The following YTHDF2 variants were observed in gnomAD, a reference collection of about 807,000 sequenced individuals.
YTHDF2 encodes the protein YTH N6-methyladenosine RNA binding protein F2.
YTHDF2 carries 2 observed loss-of-function variants against 50.4 expected under a neutral mutation model. That is an observed-to-expected ratio of 0.04 (90% CI 0.02 to 0.12). The LOEUF (loss-of-function observed/expected upper bound fraction) is 0.12, where lower values mean the gene tolerates loss of function less well. Among genes scored for constraint, YTHDF2 ranks in the 10% least tolerant of loss-of-function variants. The pLI is 1.00. For synonymous variants in YTHDF2, 217 were observed against 255.6 expected (o/e 0.85, Z 1.44); for missense variants, 483 against 722.6 (o/e 0.67, Z 3.80).
intron 4 of YTHDF2, among the ~76,000 whole-genome samples, chr1:28,760,950 G>A (rs891498034): frequency 1.3e-5 from 2 of 152,032 alleles, no homozygotes; most frequent in African/African-American, 4.8e-5. Context: ...TTGCAGTGCG[G>A]TAGGTTTGTT....
At chr1:28,762,101 A>T (rs1264068446) in intron 4 of YTHDF2, among the ~76,000 whole-genome samples, 1 of 152,128 alleles carries the variant, frequency 6.6e-6, no homozygotes, top group Non-Finnish European at 1.5e-5. Context: ...TTTTAAAAAC[A>T]CATTTTCCTA....
intron 1 of YTHDF2, 43 bp downstream of exon 1, chr1:28,737,190 G>C: frequency 5.2e-6 from 8 of 1,536,370 alleles, no homozygotes; most frequent in Non-Finnish European, 6.1e-6. Flanking sequence ...TGTGAGGCGA[G>C]AAGGAGCCCG....
intron 4 of YTHDF2, among the ~76,000 whole-genome samples, chr1:28,766,016 T>C (rs766623554): frequency 2.6e-5 from 4 of 152,230 alleles, no homozygotes; most frequent in African/African-American, 4.8e-5. Flanking sequence ...TCAGTTGTCT[T>C]AATGTCCTTG....
chr1:28,737,809 T>C, intron 2 of YTHDF2, 127 bp downstream of exon 2: 1 of 1,121,046 alleles, frequency 8.9e-7, no homozygotes, highest in Non-Finnish European at 1.3e-6. Flanking sequence ...TGCCGCACAC[T>C]TAAGTATTTT....
At chr1:28,754,846 A>G (rs191970329) in intron 4 of YTHDF2, among the ~76,000 whole-genome samples, 137 of 151,272 alleles carry the variant, frequency 9.1e-4, no homozygotes, top group Non-Finnish European at 1.7e-3. Flanking sequence ...GTGTGTGCCT[A>G]TAGTCCTATA....
intron 4 of YTHDF2, among the ~76,000 whole-genome samples, chr1:28,748,021 G>A (rs1298890992): frequency 6.5e-5 from 4 of 61,560 alleles, no homozygotes; most frequent in Non-Finnish European, 1.2e-4. Flanking sequence ...CCAGCTACTC[G>A]GGAGGCTGAG....
intron 3 of YTHDF2, 79 bp from the exon 4 acceptor site, chr1:28,742,324 T>C: frequency 5.4e-6 from 8 of 1,492,578 alleles, no homozygotes. Flanking sequence ...TATATTTGAA[T>C]TGCGTGACTA....
intron 4 of YTHDF2, among the ~76,000 whole-genome samples, chr1:28,750,775 C>A (rs969755856): frequency 2.6e-5 from 4 of 151,554 alleles, no homozygotes; most frequent in African/African-American, 9.7e-5. Flanking sequence ...AAAATTGTTT[C>A]CTAAACTGTG....
chr1:28,746,580 A>G (rs1347629060), intron 4 of YTHDF2, among the ~76,000 whole-genome samples: 1 of 135,316 alleles, frequency 7.4e-6, no homozygotes, highest in East Asian at 2.7e-4. Flanking sequence ...TCCCGTCTCT[A>G]CTAAAAATAC....
At chr1:28,737,776 T>C (rs2087717569) in intron 2 of YTHDF2, 94 bp downstream of exon 2, 1 of 1,493,026 alleles carries the variant, frequency 6.7e-7, no homozygotes, top group Non-Finnish European at 9.1e-7. Context: ...GGAGGACCTT[T>C]CGGAAGCCGC....
At chr1:28,739,300 G>C (rs892312858) in intron 3 of YTHDF2, 5 of 151,566 alleles carry the variant, frequency 3.3e-5, no homozygotes, top group Non-Finnish European at 7.4e-5. Flanking sequence ...GAACTATTTC[G>C]GAGTTAGGAA....
At chr1:28,738,385 T>G (rs541570570) in intron 3 of YTHDF2, 47 bp downstream of exon 3, 1 of 1,427,820 alleles carries the variant, frequency 7.0e-7, no homozygotes, top group South Asian at 1.2e-5. Context: ...TGTGGTATAT[T>G]CTTTCTCCGC....
chr1:28,752,782 C>T (rs2087977183), intron 4 of YTHDF2, among the ~76,000 whole-genome samples: 1 of 151,948 alleles, frequency 6.6e-6, no homozygotes, highest in Non-Finnish European at 1.5e-5. Flanking sequence ...GTGGCTCACA[C>T]CTGTAATCCC....
intron 3 of YTHDF2, among the ~76,000 whole-genome samples, chr1:28,741,596 A>T (rs1196422679): frequency 6.6e-6 from 1 of 152,110 alleles, no homozygotes; most frequent in Non-Finnish European, 1.5e-5. Flanking sequence ...GCCTGGCCAT[A>T]TTTCTCATTT....
At chr1:28,754,050 A>G (rs113126775) in intron 4 of YTHDF2, among the ~76,000 whole-genome samples, 359 of 152,150 alleles carry the variant, frequency 2.4e-3, no homozygotes, top group African/African-American at 8.4e-3. Flanking sequence ...GTTGTAAGGG[A>G]GGGTAGTTAA....
chr1:28,756,790 C>T (rs1481289999), intron 4 of YTHDF2, among the ~76,000 whole-genome samples: 1 of 135,740 alleles, frequency 7.4e-6, no homozygotes, highest in African/African-American at 3.8e-5. Flanking sequence ...ATTGGCTTTG[C>T]CTGCCTGCCT....
Position 28,743,634 on chromosome 1 carries a change from TTTAC to T in YTHDF2, c.1371_1374del (p.Leu457PhefsTer16). On this transcript the variant is annotated frameshift_variant, in exon 4 of 5. Coordinates refer to ENST00000373812, the MANE Select transcript of YTHDF2 (RefSeq NM_016258.3). LOFTEE classifies it high-confidence loss of function. This position sits in a 1 kb window ranked among gnomAD's most constrained non-coding sequence, Gnocchi z 6.9. ...CGTTCCATGAACGGGAAAGGCCCCG[TTTAC>T]TTACTTTTCAGTGTCAACGGCAGTG... The T allele has an allele frequency of 6.2e-7, 1 of 1,614,148 alleles. No individual in the cohort carries two copies. Among genetic ancestry groups the T allele is most frequent in the Non-Finnish European group, 8.5e-7 (1 of 1,180,028 alleles).
chr1:28,762,201 G>C (rs113452737), intron 4 of YTHDF2, among the ~76,000 whole-genome samples: 13,326 of 152,054 alleles, frequency 0.088, 801 homozygotes, highest in Non-Finnish European at 0.13. Flanking sequence ...GACCATCCTG[G>C]CTAACACGGT....
intron 3 of YTHDF2, among the ~76,000 whole-genome samples, chr1:28,738,929 C>T (rs1035775267): frequency 6.6e-6 from 1 of 152,212 alleles, no homozygotes; most frequent in African/African-American, 2.4e-5. Context: ...ATACTGATAA[C>T]ACTCTACTGG....
Sources: allele counts gnomAD v4.1 joint callset (sites outside exome capture counted in the v4.1 genomes callset), GRCh38; gene constraint gnomAD v4.1.1; non-coding constraint Gnocchi (gnomAD v3.1); transcripts MANE v1.5; gene names NCBI Gene and HGNC (gene_info 2026-07-23, HGNC 2026-07-21).